Variants in PCCA observed in about 807,000 individuals in gnomAD.
The protein encoded by PCCA is propionyl-CoA carboxylase subunit alpha.
In PCCA, 74 loss-of-function variants were observed where a neutral mutation model predicts 101.3. The ratio of observed to expected loss-of-function variants is 0.73; its 90% CI spans 0.61 to 0.89. The LOEUF is 0.89. Ranked by LOEUF, PCCA falls within the 40% of genes least tolerant of loss-of-function variation. PCCA has a pLI of 0.00. For synonymous variants in PCCA, 294 were observed against 313.6 expected (o/e 0.94, Z 0.66); for missense variants, 891 against 907.0 (o/e 0.98, Z 0.23).
chr13:100,228,110 G>A (rs919301484), intron 7 of PCCA, among the ~76,000 whole-genome samples: 2 of 151,966 alleles, frequency 1.3e-5, no homozygotes, highest in Admixed American at 6.6e-5. Context: ...CTGCCTCCCG[G>A]GTTCAATCAA....
At chr13:100,500,672 A>G (rs1243242766) in intron 21 of PCCA, among the ~76,000 whole-genome samples, 3 of 152,198 alleles carry the variant, frequency 2.0e-5, no homozygotes, top group South Asian at 2.1e-4. Context: ...CCTTCAGTCT[A>G]TATTAACGAG....
intron 16 of PCCA, among the ~76,000 whole-genome samples, chr13:100,318,382 G>A (rs1480153681): frequency 6.6e-6 from 1 of 151,992 alleles, no homozygotes. Flanking sequence ...CTAACAACGT[G>A]CAGGTTTGTT....
chr13:100,527,784 G>A (rs745573968), intron 23 of PCCA, 32 bp downstream of exon 23: 15 of 1,521,344 alleles, frequency 9.9e-6, no homozygotes, highest in East Asian at 2.3e-5. Flanking sequence ...AGCCCAGGCC[G>A]GCCCTGTGAT....
At chr13:100,151,860 A>C (rs1282614644) in intron 4 of PCCA, among the ~76,000 whole-genome samples, 1 of 152,188 alleles carries the variant, frequency 6.6e-6, no homozygotes, top group Non-Finnish European at 1.5e-5. Context: ...TAAAATATAT[A>C]AAAAGGAATT....
rs2066180752 is a variant in PCCA at position 100,302,991 on chromosome 13, T to C, written c.1277T>C (p.Leu426Pro). ...RLSQYQEPLH[L>P]PGVRVDSGIQ... ...TCTCAGTACCAAGAACCGTTACATC[T>C]ACCTGGTGTAAGTCATTAAGCTGTA... The change falls in exon 14 of 24, where the codon CTA (leucine) becomes CCA (proline). Residue 426 changes from leucine (L) to proline (P), a missense_variant. Leu to Pro is a moderately conservative substitution (Grantham distance 98). Coordinates refer to ENST00000376285, the MANE Select transcript of PCCA (RefSeq NM_000282.4). 7.7e-6 allele frequency: 12 copies of C among 1,567,856 alleles called. No homozygotes were observed. Among genetic ancestry groups the C allele is most frequent in the Admixed American group, 1.7e-5 (1 of 59,968 alleles).
intron 20 of PCCA, among the ~76,000 whole-genome samples, chr13:100,447,757 A>G (rs940653749): frequency 6.6e-6 from 1 of 152,064 alleles, no homozygotes; most frequent in Non-Finnish European, 1.5e-5. Flanking sequence ...TGCCTTAAGT[A>G]TGCTATCTAG....
intron 14 of PCCA, chr13:100,305,720 T>C: frequency 2.8e-6 from 1 of 355,662 alleles, no homozygotes; most frequent in Non-Finnish European, 5.7e-6. Flanking sequence ...ATTTTATTGC[T>C]TTTAAAGCTG....
rs925644375 is a variant in PCCA at position 100,208,631 on chromosome 13, C to T, written c.469-701C>T. Among the ~76,000 whole-genome samples the T allele has an allele frequency of 5.4e-4, 82 of 152,010 alleles. 1 individual carries two copies. The highest frequency in any genetic ancestry group is 1.2e-4 in the Non-Finnish European group (8 of 68,002). ...GTTCTGTCTCTAGATCTATTTAAGT[C>T]ACTAGCTTTTTTTTTTAAATTAGAG... On this transcript the variant is annotated intron_variant, in intron 6 of 23. Transcript: ENST00000376285.
At chr13:100,209,260 T>A in intron 6 of PCCA, 72 bp from the exon 7 acceptor site, 1 of 1,342,820 alleles carries the variant, frequency 7.4e-7, no homozygotes, top group Non-Finnish European at 1.1e-6. Flanking sequence ...GGCTTTTCTT[T>A]TATAAAATTG....
At chr13:100,306,035 T>C (rs1454770089) in intron 14 of PCCA, among the ~76,000 whole-genome samples, 1 of 152,250 alleles carries the variant, frequency 6.6e-6, no homozygotes, top group East Asian at 1.9e-4. Context: ...ATCGCTTGTC[T>C]TCTGATGTCA....
intron 22 of PCCA, among the ~76,000 whole-genome samples, chr13:100,520,607 C>A (rs1397161874): frequency 7.2e-6 from 1 of 138,580 alleles, no homozygotes; most frequent in Non-Finnish European, 1.5e-5. Context: ...AGCACTCCAG[C>A]CTGGGCGACA....
chr13:100,343,015 G>A (rs2071621072), intron 18 of PCCA, among the ~76,000 whole-genome samples: 1 of 152,102 alleles, frequency 6.6e-6, no homozygotes, highest in African/African-American at 2.4e-5. Flanking sequence ...ACCTGAGCTG[G>A]GCGAAACCTT....
intron 12 of PCCA, among the ~76,000 whole-genome samples, chr13:100,282,315 C>T (rs1006420900): frequency 2.6e-5 from 4 of 152,376 alleles, no homozygotes; most frequent in East Asian, 1.9e-4. Flanking sequence ...TCGCTCTCGG[C>T]GCCTCCTCTG....
chr13:100,350,150 GA>G (rs2073089510), intron 18 of PCCA, among the ~76,000 whole-genome samples: 1 of 152,134 alleles, frequency 6.6e-6, no homozygotes, highest in African/African-American at 2.4e-5. Context: ...AATTCCCAAG[GA>G]AAAGCCGGTA....
chr13:100,509,234 GCTAA>G (rs1308355412), intron 21 of PCCA, among the ~76,000 whole-genome samples: 3 of 152,228 alleles, frequency 2.0e-5, no homozygotes, highest in Non-Finnish European at 4.4e-5. Flanking sequence ...AACTGGAGCT[GCTAA>G]CTGACCCTAT....
intron 1 of PCCA, 71 bp downstream of exon 1, chr13:100,089,296 G>T (rs993932424): frequency 7.4e-7 from 1 of 1,347,936 alleles, no homozygotes; most frequent in Non-Finnish European, 9.5e-7. Context: ...TGGGCGGCTG[G>T]CGCCGGGAGA....
At chr13:100,264,985 T>A (rs2062832069) in intron 10 of PCCA, among the ~76,000 whole-genome samples, 1 of 152,240 alleles carries the variant, frequency 6.6e-6, no homozygotes, top group South Asian at 2.1e-4. Flanking sequence ...AATGGCTTAT[T>A]TTGTGAAGTG....
intron 21 of PCCA, among the ~76,000 whole-genome samples, chr13:100,515,206 T>G (rs533270494): frequency 1.3e-5 from 2 of 152,376 alleles, no homozygotes; most frequent in South Asian, 4.1e-4. Flanking sequence ...TGATTAATTT[T>G]AATAACTGGA....
intron 4 of PCCA, among the ~76,000 whole-genome samples, chr13:100,113,374 T>C (rs903388246): frequency 1.3e-5 from 2 of 152,128 alleles, no homozygotes; most frequent in East Asian, 1.9e-4. Flanking sequence ...CTTGCAGGAC[T>C]GGAAGCTGGT....
Sources: gnomAD v4.1 joint callset for allele counts (sites outside exome capture counted in the v4.1 genomes callset) on GRCh38, gnomAD v4.1.1 for gene constraint, MANE v1.5 for transcripts, NCBI Gene and HGNC (gene_info 2026-07-23, HGNC 2026-07-21) for gene names.